TNKS2: variants seen among roughly 807,000 people sequenced by gnomAD.
TNKS2 encodes poly [ADP-ribose] polymerase tankyrase-2.
TNKS2 carries 72 observed loss-of-function variants against 137.6 expected under a neutral mutation model. That is an observed-to-expected ratio of 0.52 (90% CI 0.43 to 0.64). The LOEUF (loss-of-function observed/expected upper bound fraction) is 0.64, where lower values mean the gene tolerates loss of function less well. Among genes scored for constraint, TNKS2 ranks in the 30% least tolerant of loss-of-function variants. The probability of loss-of-function intolerance (pLI) is 0.00; values close to 1 mark genes in which losing one functional copy is unlikely to be tolerated. For synonymous variants in TNKS2, 516 were observed against 512.1 expected, an observed-to-expected ratio of 1.01 and a Z score of -0.10; for missense variants, 1,049 against 1,410.2, an observed-to-expected ratio of 0.74 and a Z score of 4.10.
At chr10:91,814,494 G>A (rs1844609844) in intron 2 of TNKS2, among the ~76,000 whole-genome samples, 1 of 152,114 alleles carries the variant, frequency 6.6e-6, no homozygotes, top group Non-Finnish European at 1.5e-5. Flanking sequence ...TTTATGTAGA[G>A]TCTACAGTAA....
At chr10:91,812,687 A>G in intron 1 of TNKS2, 1 of 764,344 alleles carries the variant, frequency 1.3e-6, no homozygotes, top group Non-Finnish European at 1.6e-6. Flanking sequence ...AGAGTGAGAA[A>G]CATTTGAACT....
At chr10:91,836,000 CGTGTGTGTGTGT>C (rs58777939) in intron 12 of TNKS2, among the ~76,000 whole-genome samples, 9 of 113,030 alleles carry the variant, frequency 8.0e-5, no homozygotes, top group African/African-American at 1.4e-4. Flanking sequence ...ATAAGAATAC[CGTGTGTGTGTGT>C]GTGTGTGTGT....
chr10:91,837,124 C>A, intron 13 of TNKS2, 126 bp downstream of exon 13: 1 of 828,150 alleles, frequency 1.2e-6, no homozygotes. Context: ...GTCAATAATA[C>A]AATCTTAATT....
At position 91,864,406 on chromosome 10, in the gene TNKS2, T is replaced by G. The variant is rs947543064; in HGVS notation, c.*1407T>G. 1.3e-5 allele frequency: 2 copies of G among 152,576 alleles called. No homozygotes were observed. The highest frequency in any genetic ancestry group is 2.4e-5 in the African/African-American group (1 of 41,446). The allele number at this position is 152,576 out of a possible 1,614,324, so 9.5% of individuals were successfully genotyped here. A position where few individuals can be genotyped will look rare whatever the true frequency, so the allele number is the denominator to read the frequency against. ...ATCCATTATGGCTTGGCAATCTCTT[T>G]TATTTGTTGACTCTAGCTCCCTTCA... is the stretch of plus-strand genomic sequence containing the variant. On this transcript the variant is annotated 3_prime_UTR_variant, in exon 27 of 27. Transcript: ENST00000371627.
intron 21 of TNKS2, among the ~76,000 whole-genome samples, chr10:91,854,513 G>C (rs1265922048): frequency 6.6e-6 from 1 of 152,130 alleles, no homozygotes; most frequent in Non-Finnish European, 1.5e-5. Flanking sequence ...ATATAAAATG[G>C]TAACATTAGG....
At chr10:91,845,688 A>G (rs920206165) in intron 17 of TNKS2, 64 bp from the exon 18 acceptor site, 13 of 1,321,652 alleles carry the variant, frequency 9.8e-6, no homozygotes, top group South Asian at 2.3e-5. Context: ...AACTAGTTTC[A>G]TTTTAAGAAA....
chr10:91,837,593 C>T (rs569099834), intron 13 of TNKS2, among the ~76,000 whole-genome samples: 10 of 152,304 alleles, frequency 6.6e-5, no homozygotes, highest in Non-Finnish European at 1.5e-4. Context: ...CAGTGGCTCA[C>T]ACCTGTCGGT....
At chr10:91,806,510 T>C (rs895254502) in intron 1 of TNKS2, among the ~76,000 whole-genome samples, 4 of 152,280 alleles carry the variant, frequency 2.6e-5, no homozygotes, top group African/African-American at 7.2e-5. Context: ...CTCAAATAAA[T>C]GCTGCTTCTG....
chr10:91,802,466 G>T (rs1362330259), intron 1 of TNKS2, among the ~76,000 whole-genome samples: 4 of 152,178 alleles, frequency 2.6e-5, no homozygotes, highest in Non-Finnish European at 5.9e-5. Context: ...AATATTCAGC[G>T]ATCGAACTGT....
At position 91,859,452 on chromosome 10, in the gene TNKS2, T is replaced by C. The variant is rs1388920864; in HGVS notation, c.3095-10T>C. 2 of 1,551,580 alleles carry C rather than the reference T, an allele frequency of 1.3e-6. No homozygotes were observed. Among genetic ancestry groups the C allele is most frequent in the Non-Finnish European group, 1.7e-6 (2 of 1,153,596 alleles). On this transcript the variant is annotated splice_polypyrimidine_tract_variant and intron_variant, in intron 24 of 26. Coordinates refer to ENST00000371627, the MANE Select transcript of TNKS2 (RefSeq NM_025235.4). ...TTTAAATTATTGTTACCCATCTATA[T>C]GTGTTTCAGGGTCTCCTTTTGTGAA...
chr10:91,862,573 T>G (rs1429728561), intron 26 of TNKS2, among the ~76,000 whole-genome samples: 3 of 152,178 alleles, frequency 2.0e-5, no homozygotes, highest in African/African-American at 7.2e-5. Flanking sequence ...AATCTTGTAT[T>G]TAACAGCCTG....
chr10:91,833,719 A>G (rs1841896849), intron 11 of TNKS2, 134 bp from the exon 12 acceptor site: 1 of 637,756 alleles, frequency 1.6e-6, no homozygotes, highest in Non-Finnish European at 2.4e-6. Context: ...GAGCAAAAAT[A>G]CTTGCTTTGG....
Position 91,859,668 on chromosome 10 carries a change from C to T in TNKS2, c.3281+20C>T, listed in dbSNP as rs1279170317. ...CCACAGGTAAGAGATCACTTGTTCTCATTTATTTTGGTGGTAATCAGATAA... is the reference window on the plus strand; with the variant it reads ...CCACAGGTAAGAGATCACTTGTTCTTATTTATTTTGGTGGTAATCAGATAA... On this transcript the variant is annotated intron_variant, in intron 25 of 26. Transcript: ENST00000371627. The T allele has an allele frequency of 1.3e-6, 2 of 1,596,592 alleles. No individual in the cohort carries two copies. The highest frequency in any genetic ancestry group is 1.7e-6 in the Non-Finnish European group (2 of 1,170,848).
chr10:91,798,606 G>T lies in TNKS2; in HGVS notation c.-85G>T, dbSNP rs1844046302. 2 of 1,200,622 alleles carry T rather than the reference G, an allele frequency of 1.7e-6. No individual in the cohort carries two copies. The highest frequency in any genetic ancestry group is 1.0e-6 in the Non-Finnish European group (1 of 967,534). 74.4% of individuals were successfully genotyped at this position (1,200,622 alleles called of 1,614,324 possible). ...CCCGGGCCCTGAGCGCGTCTTCTCC[G>T]GGGGGCCTCGCCCTCCTGCTCGCGG... On this transcript the variant is annotated 5_prime_UTR_variant, in exon 1 of 27. Transcript: ENST00000371627.
In TNKS2 at chr10:91,833,073, G is replaced by A. The variant is rs80066380; in HGVS notation, c.1276-780G>A. On this transcript the variant is annotated intron_variant, in intron 11 of 26. Transcript: ENST00000371627. ...TTTTTCTTTAGATGTAAAATGTGCA[G>A]TGAAATGCAGAGATCTTAAATGGAT... Among the ~76,000 whole-genome samples the A allele has an allele frequency of 4.2e-3, 634 of 152,212 alleles. 4 individuals carry two copies. Among genetic ancestry groups the A allele is most frequent in the African/African-American group, 0.014 (596 of 41,536 alleles).
intron 1 of TNKS2, among the ~76,000 whole-genome samples, chr10:91,805,359 G>C (rs930314670): frequency 3.9e-5 from 6 of 152,208 alleles, no homozygotes; most frequent in Admixed American, 3.9e-4. Context: ...CATTGACACA[G>C]AAGTCTGTGT....
At position 91,817,226 on chromosome 10, in the gene TNKS2, A is replaced by T. The variant is rs1219201807; in HGVS notation, c.517A>T (p.Thr173Ser). ...AGATCCATCTGCCAAAGCAGTGCTT[A>T]CTGGTAAGTCTGTATACTCTGGTTA... ...LADPSAKAVL[T>S]GEYKKDELLE... Residue 173 changes from threonine (T) to serine (S), a missense_variant, in exon 3 of 27, where the codon ACT becomes TCT. Physicochemically the swap from Thr to Ser is moderately conservative, Grantham distance 58. Around this residue, in one of 6 missense-constraint regions of TNKS2, gnomAD observed 374 missense variants for 460.8 expected, o/e 0.81. Transcript: ENST00000371627. 6.2e-6 allele frequency: 10 copies of T among 1,611,564 alleles called. No homozygotes were observed. Among genetic ancestry groups the T allele is most frequent in the Non-Finnish European group, 8.5e-6 (10 of 1,178,502 alleles).
At chr10:91,837,091 T>G (rs1487851721) in intron 13 of TNKS2, 93 bp downstream of exon 13, 1 of 1,278,236 alleles carries the variant, frequency 7.8e-7, no homozygotes, top group Non-Finnish European at 1.1e-6. Context: ...CCTGGTTTAT[T>G]TGTATGGGCC....
chr10:91,798,459 C>G lies in TNKS2; in HGVS notation c.-232C>G, dbSNP rs1310128923. The G allele has an allele frequency of 3.0e-6, 1 of 329,194 alleles. No individual in the cohort carries two copies. Among genetic ancestry groups the G allele is most frequent in the South Asian group, 1.5e-4 (1 of 6,668 alleles). 20.4% of individuals were successfully genotyped at this position (329,194 alleles called of 1,614,324 possible). On this transcript the variant is annotated 5_prime_UTR_variant, in exon 1 of 27. Coordinates refer to ENST00000371627, the MANE Select transcript of TNKS2 (RefSeq NM_025235.4). ...CCGCCGCGTCGTTTCAGGACCCGGA[C>G]GGCGGATTCGCGCTGCCTCCGCCGC...
Sources: allele counts gnomAD v4.1 joint callset (sites outside exome capture counted in the v4.1 genomes callset), GRCh38; gene constraint gnomAD v4.1.1; regional missense constraint gnomAD v4.1.1; transcripts MANE v1.5; gene names NCBI Gene and HGNC (gene_info 2026-07-23, HGNC 2026-07-21).